The following CAMK4 variants were observed in gnomAD, a reference collection of about 807,000 sequenced individuals.
CAMK4 encodes calcium/calmodulin-dependent protein kinase type IV.
Under a neutral mutation model 44.9 loss-of-function variants are expected in CAMK4, and 22 were observed. That is an observed-to-expected ratio of 0.49 (90% confidence interval 0.35 to 0.70). CAMK4 has a LOEUF of 0.70. CAMK4 is among the 30% of genes least tolerant of loss of function. The probability of loss-of-function intolerance (pLI) is 0.01; values close to 1 mark genes in which losing one functional copy is unlikely to be tolerated. For synonymous variants in CAMK4, 218 were observed against 215.4 expected (o/e 1.01, Z -0.11); for missense variants, 498 against 586.8 (o/e 0.85, Z 1.56).
At position 111,419,587 on chromosome 5, in the gene CAMK4, T is replaced by G. The variant is rs1308427531; in HGVS notation, c.459+24805T>G. On this transcript the variant is annotated intron_variant, in intron 5 of 10. Transcript: ENST00000282356. ...TTTTTATGGTTTTAGGTCTAACATG[T>G]AAGTCTTTTATCCATCTTGAATTAA... Among the ~76,000 whole-genome samples, 9 of 152,318 alleles carry G rather than the reference T, an allele frequency of 5.9e-5. No homozygotes were observed. The South Asian group carries it at 1.0e-3, about 18-fold the overall frequency.
In CAMK4 at chr5:111,487,097, T is replaced by C. The variant is rs1474875294; in HGVS notation, c.*2631T>C. The C allele has an allele frequency of 1.3e-5, 2 of 152,234 alleles. No individual in the cohort carries two copies. Among genetic ancestry groups the C allele is most frequent in the Non-Finnish European group, 2.9e-5 (2 of 68,036 alleles). The allele number at this position is 152,234 out of a possible 1,614,324, so 9.4% of individuals were successfully genotyped here. A position where few individuals can be genotyped will look rare whatever the true frequency, so the allele number is the denominator to read the frequency against. ...ATATTGCTTGTTAAAATGGAATGTA[T>C]TGTCTATCTCAAAGATTACTTAGCT... On this transcript the variant is annotated 3_prime_UTR_variant, in exon 11 of 11. Coordinates refer to ENST00000282356, the MANE Select transcript of CAMK4 (RefSeq NM_001744.6).
chr5:111,469,088 G>A (rs1181631842), intron 7 of CAMK4, among the ~76,000 whole-genome samples: 3 of 139,838 alleles, frequency 2.1e-5, no homozygotes, highest in African/African-American at 8.0e-5. Flanking sequence ...AGGTTGCAGT[G>A]AGCAGAGATC....
Position 111,315,217 on chromosome 5 carries a change from A to G in CAMK4, c.162-28807A>G, listed in dbSNP as rs560013996. ...CTCCTCAAAATTTATCAGCGGGAAA[A>G]GTCATTGCTTGCACAGATACTTAGA... is the stretch of plus-strand genomic sequence containing the variant. On this transcript the variant is annotated intron_variant, in intron 1 of 10. Transcript: ENST00000282356. Among the ~76,000 whole-genome samples the G allele has an allele frequency of 2.0e-3, 302 of 152,240 alleles. 1 individual carries two copies. Among genetic ancestry groups the G allele is most frequent in the African/African-American group, 6.9e-3 (285 of 41,584 alleles).
chr5:111,396,626 A>ATTT (rs1752018272), intron 5 of CAMK4, among the ~76,000 whole-genome samples: 1 of 82,084 alleles, frequency 1.2e-5, no homozygotes, highest in East Asian at 3.4e-4. Flanking sequence ...CCATTAACTC[A>ATTT]TATTCTTTTT....
chr5:111,272,343 AC>A (rs1750554779), intron 1 of CAMK4, among the ~76,000 whole-genome samples: 1 of 152,044 alleles, frequency 6.6e-6, no homozygotes, highest in African/African-American at 2.4e-5. Context: ...CTGTTGTGCT[AC>A]AGAAAGGAGA....
chr5:111,361,299 G>C (rs1197408293), intron 2 of CAMK4, among the ~76,000 whole-genome samples: 1 of 151,832 alleles, frequency 6.6e-6, no homozygotes, highest in Non-Finnish European at 1.5e-5. Flanking sequence ...TTAGTTTTAA[G>C]GATCAAGGAA....
rs191258715 is a variant in CAMK4, at chr5:111,475,079, C to T, written c.701+1693C>T. Among the ~76,000 whole-genome samples, 24 of 152,246 alleles carry T rather than the reference C, an allele frequency of 1.6e-4. 1 individual carries two copies. Among genetic ancestry groups the T allele is most frequent in the Admixed American group, 5.9e-4 (9 of 15,294 alleles). ...TCGGGAAGCTGAGGCAGGAGAATGG[C>T]GTGAACCCAGGAGGCGGAGATTGCA... On this transcript the variant is annotated intron_variant, in intron 8 of 10. Transcript: ENST00000282356.
At chr5:111,328,296 G>A (rs1435863234) in intron 1 of CAMK4, among the ~76,000 whole-genome samples, 1 of 151,482 alleles carries the variant, frequency 6.6e-6, no homozygotes, top group Non-Finnish European at 1.5e-5. Context: ...GTTTTTGTCA[G>A]GTTTGTCAAA....
chr5:111,298,448 TC>T (rs1205783138), intron 1 of CAMK4, among the ~76,000 whole-genome samples: 1 of 152,212 alleles, frequency 6.6e-6, no homozygotes, highest in Non-Finnish European at 1.5e-5. Context: ...TCTTTCTTCT[TC>T]CATTCTGTCT....
At chr5:111,469,397 A>C (rs1754983250) in intron 7 of CAMK4, among the ~76,000 whole-genome samples, 1 of 151,910 alleles carries the variant, frequency 6.6e-6, no homozygotes, top group African/African-American at 2.4e-5. Flanking sequence ...AACTTTTTAC[A>C]TGGCAAGTTT....
chr5:111,482,679 A>T lies in CAMK4; in HGVS notation c.829-106A>T. On this transcript the variant is annotated intron_variant, in intron 9 of 10. Coordinates refer to ENST00000282356, the MANE Select transcript of CAMK4 (RefSeq NM_001744.6). The surrounding 1 kb of genome is among the most constrained non-coding windows in gnomAD (Gnocchi z 4.9). ...AACAATTTTTTTCTCACATATATTT[A>T]GTGGTACTGCTGGGAAATGGAATAA... 1 of 903,024 alleles carries T rather than the reference A, an allele frequency of 1.1e-6. No homozygotes were observed. The highest frequency in any genetic ancestry group is 1.7e-6 in the Non-Finnish European group (1 of 588,448). The allele number at this position is 903,024 out of a possible 1,614,324, so 55.9% of individuals were successfully genotyped here.
chr5:111,309,815 C>G (rs1405299086), intron 1 of CAMK4, among the ~76,000 whole-genome samples: 2 of 152,132 alleles, frequency 1.3e-5, no homozygotes, highest in African/African-American at 4.8e-5. Flanking sequence ...GGACTTTAGA[C>G]TTGGAATTCA....
At chr5:111,350,747 C>T (rs915222539) in intron 2 of CAMK4, among the ~76,000 whole-genome samples, 6 of 152,024 alleles carry the variant, frequency 3.9e-5, no homozygotes, top group Non-Finnish European at 2.9e-5. Context: ...CAAAATTCTA[C>T]AAAATTTTCC....
intron 2 of CAMK4, among the ~76,000 whole-genome samples, chr5:111,365,490 T>G (rs1400658506): frequency 7.0e-6 from 1 of 142,376 alleles, no homozygotes; most frequent in Non-Finnish European, 1.5e-5. Context: ...GATGGAGACA[T>G]ACATGCTAAA....
chr5:111,373,345 T>A (rs928413841), intron 2 of CAMK4, among the ~76,000 whole-genome samples: 1 of 152,146 alleles, frequency 6.6e-6, no homozygotes, highest in African/African-American at 2.4e-5. Context: ...ACTAAAGGCA[T>A]TTAGAAATGG....
In CAMK4 at chr5:111,492,018, G is replaced by A. The variant is rs751092403; in HGVS notation, c.*7552G>A. On this transcript the variant is annotated 3_prime_UTR_variant, in exon 11 of 11. Coordinates refer to ENST00000282356, the MANE Select transcript of CAMK4 (RefSeq NM_001744.6). ...GTTACGTATTTTATTTCTTTGAAAA[G>A]AGAGGGCCTTGAGTAAATGCTTTCG... 8 of 152,144 alleles carry A rather than the reference G, an allele frequency of 5.3e-5. No individual in the cohort carries two copies. The highest frequency in any genetic ancestry group is 2.4e-5 in the African/African-American group (1 of 41,438). The allele number at this position is 152,144 out of a possible 1,614,324, so 9.4% of individuals were successfully genotyped here. A position where few individuals can be genotyped will look rare whatever the true frequency, so the allele number is the denominator to read the frequency against.
At chr5:111,228,668 A>G (rs988578567) in intron 1 of CAMK4, among the ~76,000 whole-genome samples, 3 of 152,190 alleles carry the variant, frequency 2.0e-5, no homozygotes, top group Admixed American at 2.0e-4. Flanking sequence ...GGCTGAACCC[A>G]TGTGATTTCA....
In CAMK4 at chr5:111,316,081, A is replaced by G. The variant is rs1166838897; in HGVS notation, c.162-27943A>G. On this transcript the variant is annotated intron_variant, in intron 1 of 10. Transcript: ENST00000282356. ...CAAATTATTTCATGACCCTAAGCAA[A>G]CATTACCAATAATAAAGAGGAAATT... Among the ~76,000 whole-genome samples the G allele has an allele frequency of 2.0e-5, 3 of 152,158 alleles. 1 individual carries two copies. Among genetic ancestry groups the G allele is most frequent in the African/African-American group, 7.2e-5 (3 of 41,442 alleles).
chr5:111,224,607 C>T lies in CAMK4; in HGVS notation c.124C>T (p.Leu42=). Reference sequence around the variant, plus strand: ...GATCGACGGCTCCAACAGGGATGCGCTGAGCGATTTCTTCGAGGTGGAGTC... The same window carrying T: ...GATCGACGGCTCCAACAGGGATGCGTTGAGCGATTTCTTCGAGGTGGAGTC... ...YWIDGSNRDA[L]SDFFEVESEL... The change falls in exon 1 of 11, where the codon CTG becomes TTG. Residue 42 remains leucine, a synonymous_variant. Coordinates refer to ENST00000282356, the MANE Select transcript of CAMK4 (RefSeq NM_001744.6). The surrounding 1 kb of genome is among the most constrained non-coding windows in gnomAD (Gnocchi z 5.7). 6.2e-7 allele frequency: 1 copy of T among 1,611,796 alleles called. No individual in the cohort carries two copies. The highest frequency in any genetic ancestry group is 8.5e-7 in the Non-Finnish European group (1 of 1,179,554).
Sources: gnomAD v4.1 joint callset for allele counts (sites outside exome capture counted in the v4.1 genomes callset) on GRCh38, gnomAD v4.1.1 for gene constraint, Gnocchi (gnomAD v3.1) non-coding constraint, MANE v1.5 for transcripts, NCBI Gene and HGNC (gene_info 2026-07-23, HGNC 2026-07-21) for gene names.